Variants in RXRA observed in about 807,000 individuals in gnomAD.
The protein encoded by RXRA is retinoid X receptor alpha, also known as retinoic acid receptor RXR-alpha.
Under a neutral mutation model 44.5 loss-of-function variants are expected in RXRA, and 5 were observed. The ratio of observed to expected loss-of-function variants is 0.11; its 90% CI spans 0.06 to 0.24. The LOEUF (loss-of-function observed/expected upper bound fraction) is 0.24. Among genes scored for constraint, RXRA ranks in the 10% least tolerant of loss-of-function variants. The probability of loss-of-function intolerance (pLI) is 1.00; values close to 1 mark genes in which losing one functional copy is unlikely to be tolerated. For synonymous variants in RXRA, 291 were observed against 271.4 expected, an observed-to-expected ratio of 1.07 and a Z score of -0.71; for missense variants, 412 against 646.5, an observed-to-expected ratio of 0.64 and a Z score of 3.93.
At chr9:134,329,190 G>A (rs115316648) in intron 1 of RXRA, among the ~76,000 whole-genome samples, 2,424 of 152,332 alleles carry the variant, frequency 0.016, 55 homozygotes, top group African/African-American at 0.051. Context: ...GCACTTGGGG[G>A]CCTGGGTGAG....
At chr9:134,391,216 T>C (rs535733800) in intron 1 of RXRA, among the ~76,000 whole-genome samples, 1 of 152,008 alleles carries the variant, frequency 6.6e-6, no homozygotes, top group African/African-American at 2.4e-5. Flanking sequence ...GACTGAACCA[T>C]CGTGTTGGCC....
intron 1 of RXRA, among the ~76,000 whole-genome samples, chr9:134,386,270 C>G (rs1340751931): frequency 6.6e-6 from 1 of 152,254 alleles, no homozygotes; most frequent in East Asian, 1.9e-4. Flanking sequence ...CGGCCAGCGG[C>G]CGATGGGGCC....
Position 134,426,642 on chromosome 9 carries a change from G to C in RXRA, c.911-2466G>C. 3 of 985,458 alleles carry C rather than the reference G, an allele frequency of 3.0e-6. No homozygotes were observed. The highest frequency in any genetic ancestry group is 3.6e-6 in the Non-Finnish European group (3 of 829,928). The allele number at this position is 985,458 out of a possible 1,614,324, so 61.0% of individuals were successfully genotyped here. ...CTAGGCCCCTCTGCTGGGCACACCA[G>C]AGTTTCAGAGGCGAGTCTACCCTGG... On this transcript the variant is annotated intron_variant, in intron 6 of 9. Coordinates refer to ENST00000481739, the MANE Select transcript of RXRA (RefSeq NM_002957.6). This position sits in a 1 kb window ranked among gnomAD's most constrained non-coding sequence, Gnocchi z 4.6.
At chr9:134,423,265 G>T in intron 6 of RXRA, 1 of 985,468 alleles carries the variant, frequency 1.0e-6, no homozygotes, top group Non-Finnish European at 1.2e-6. Flanking sequence ...CGACGATGGT[G>T]CTGGTCACTG....
intron 1 of RXRA, chr9:134,379,751 G>T (rs1830613744): frequency 1.0e-6 from 1 of 985,372 alleles, no homozygotes; most frequent in Non-Finnish European, 1.2e-6. Flanking sequence ...CAGCCCCTCT[G>T]TGCCTGTGGT....
chr9:134,369,791 G>A (rs562158696), intron 1 of RXRA, among the ~76,000 whole-genome samples: 2 of 152,122 alleles, frequency 1.3e-5, no homozygotes, highest in South Asian at 2.1e-4. Context: ...GGAGGCAGAG[G>A]TGTGGGAGGA....
chr9:134,402,972 T>A (rs996991511), intron 2 of RXRA: 2 of 152,038 alleles, frequency 1.3e-5, no homozygotes, highest in African/African-American at 4.8e-5. Flanking sequence ...ACCAGATGTG[T>A]CCTGTGGACT....
chr9:134,351,847 G>A (rs1228091510), intron 1 of RXRA, among the ~76,000 whole-genome samples: 1 of 152,252 alleles, frequency 6.6e-6, no homozygotes, highest in Non-Finnish European at 1.5e-5. Context: ...GATTTATGGA[G>A]GCCACGCAGC....
intron 4 of RXRA, among the ~76,000 whole-genome samples, chr9:134,411,330 G>A (rs944563316): frequency 1.0e-5 from 1 of 98,994 alleles, no homozygotes; most frequent in African/African-American, 2.6e-5. Flanking sequence ...GGGGCTGGGG[G>A]GACCTGGAAT....
chr9:134,434,228 C>T (rs1341751524), intron 9 of RXRA, 21 bp downstream of exon 9: 1 of 1,560,150 alleles, frequency 6.4e-7, no homozygotes, highest in African/African-American at 1.4e-5. Flanking sequence ...CCCCGTCCCA[C>T]ACACACCCCA....
At chr9:134,385,891 G>A (rs1349248482) in intron 1 of RXRA, among the ~76,000 whole-genome samples, 1 of 152,268 alleles carries the variant, frequency 6.6e-6, no homozygotes, top group Non-Finnish European at 1.5e-5. Flanking sequence ...CAACGTCCGG[G>A]CCTTGCCCTT....
intron 1 of RXRA, among the ~76,000 whole-genome samples, chr9:134,341,680 CTCTT>C (rs1473839301): frequency 1.3e-5 from 2 of 152,278 alleles, no homozygotes; most frequent in East Asian, 3.9e-4. Context: ...CAGAGCTCCT[CTCTT>C]TCTGGGAGCT....
chr9:134,393,661 G>A (rs538412532), intron 1 of RXRA, among the ~76,000 whole-genome samples: 44 of 152,326 alleles, frequency 2.9e-4, no homozygotes, highest in Admixed American at 1.1e-3. Context: ...GGCATGACAG[G>A]GTGGGGTTCC....
intron 1 of RXRA, among the ~76,000 whole-genome samples, chr9:134,372,343 T>C (rs1830501365): frequency 6.6e-6 from 1 of 152,010 alleles, no homozygotes; most frequent in East Asian, 1.9e-4. Flanking sequence ...GGCTTTGCTG[T>C]TGGGGCTGGA....
intron 4 of RXRA, among the ~76,000 whole-genome samples, chr9:134,416,544 C>G (rs1185678660): frequency 1.3e-5 from 2 of 152,164 alleles, no homozygotes; most frequent in Non-Finnish European, 2.9e-5. Flanking sequence ...GGGCCGGGCG[C>G]CTGCCCTCCA....
In RXRA at chr9:134,417,231, G is replaced by A; in HGVS notation, c.684G>A (p.Glu228=). The change falls in exon 5 of 10, where the codon GAG becomes GAA. Residue 228 remains glutamate, a synonymous_variant. Coordinates refer to ENST00000481739, the MANE Select transcript of RXRA (RefSeq NM_002957.6). This position sits in a 1 kb window ranked among gnomAD's most constrained non-coding sequence, Gnocchi z 6.1. ...TGGAGTCGACCAGCAGCGCCAACGA[G>A]GACATGCCGGTGGAGAGGATCCTGG... ...NEVESTSSAN[E]DMPVERILEA... is the part of the protein sequence containing the mutation. The A allele has an allele frequency of 6.2e-7, 1 of 1,613,872 alleles. No individual in the cohort carries two copies. The highest frequency in any genetic ancestry group is 1.3e-5 in the African/African-American group (1 of 75,068).
Position 134,433,678 on chromosome 9 carries a change from C to G in RXRA, c.1136-424C>G, listed in dbSNP as rs1172725944. 6.6e-6 allele frequency among the ~76,000 whole-genome samples: 1 copy of G among 152,140 alleles called. No individual in the cohort carries two copies. Among genetic ancestry groups the G allele is most frequent in the Non-Finnish European group, 1.5e-5 (1 of 68,012 alleles). ...TGGGTTTCCGCAGGGTCTGGGTACT[C>G]CTGGGGGCAGCAGCGCTATCTCCCA... On this transcript the variant is annotated intron_variant, in intron 8 of 9. Transcript: ENST00000481739. The surrounding 1 kb of genome is among the most constrained non-coding windows in gnomAD (Gnocchi z 4.2).
chr9:134,399,124 G>A (rs1333981045), intron 1 of RXRA, among the ~76,000 whole-genome samples: 2 of 152,254 alleles, frequency 1.3e-5, no homozygotes, highest in East Asian at 3.8e-4. Flanking sequence ...GGAAACTGAG[G>A]CTTGGTAAAG....
chr9:134,354,928 G>A (rs1468244226), intron 1 of RXRA, among the ~76,000 whole-genome samples: 3 of 152,256 alleles, frequency 2.0e-5, no homozygotes, highest in Admixed American at 6.5e-5. Flanking sequence ...CTGGGAAGCC[G>A]TGGTTGGGAG....
Sources: gnomAD v4.1 joint callset for allele counts (sites outside exome capture counted in the v4.1 genomes callset) on GRCh38, gnomAD v4.1.1 for gene constraint, Gnocchi (gnomAD v3.1) non-coding constraint, MANE v1.5 for transcripts, NCBI Gene and HGNC (gene_info 2026-07-23, HGNC 2026-07-21) for gene names.